The following LINC00305 variants were observed in gnomAD, a reference collection of about 807,000 sequenced individuals.
LINC00305 encodes the protein long independently transcribed non-coding RNA 305.
intron 1 of LINC00305, among the ~76,000 whole-genome samples, chr18:64,127,597 A>T (rs1263054786): frequency 6.6e-6 from 1 of 152,058 alleles, no homozygotes; most frequent in Non-Finnish European, 1.5e-5. Flanking sequence ...CTGTCCAGAG[A>T]TGTGTGTGAA....
intron 1 of LINC00305, among the ~76,000 whole-genome samples, chr18:64,148,074 A>T (rs2051506657): frequency 6.6e-6 from 1 of 152,020 alleles, no homozygotes; most frequent in African/African-American, 2.4e-5. Flanking sequence ...AGGTCTTTCA[A>T]GGGACAAGGG....
intron 1 of LINC00305, among the ~76,000 whole-genome samples, chr18:64,132,680 C>T (rs1184193108): frequency 1.3e-5 from 2 of 152,174 alleles, no homozygotes; most frequent in East Asian, 1.9e-4. Flanking sequence ...AGTTTAGCCA[C>T]AGCTCCATGA....
intron 3 of LINC00305, among the ~76,000 whole-genome samples, chr18:64,089,196 T>A (rs2051215710): frequency 6.6e-6 from 1 of 152,102 alleles, no homozygotes; most frequent in Admixed American, 6.5e-5. Flanking sequence ...TGGGGGCGGT[T>A]TTCCCCATGC....
intron 1 of LINC00305, among the ~76,000 whole-genome samples, chr18:64,132,014 T>G (rs1191366195): frequency 2.6e-5 from 4 of 152,258 alleles, no homozygotes; most frequent in African/African-American, 7.2e-5. Flanking sequence ...ATTTTTCCAT[T>G]ATTGATGTAG....
chr18:64,135,730 C>T (rs1212680541), intron 1 of LINC00305, among the ~76,000 whole-genome samples: 2 of 152,108 alleles, frequency 1.3e-5, no homozygotes, highest in Non-Finnish European at 2.9e-5. Context: ...GGATTACAGG[C>T]TGCCACCACC....
chr18:64,082,133 G>A (rs970420369), intron 3 of LINC00305, among the ~76,000 whole-genome samples: 2 of 152,198 alleles, frequency 1.3e-5, no homozygotes, highest in East Asian at 1.9e-4. Context: ...ACAGCCAAAG[G>A]TCTCAAGACA....
Position 64,080,992 on chromosome 18 carries a change from C to T in LINC00305, n.541-590G>A, listed in dbSNP as rs1299714653. Among the ~76,000 whole-genome samples the T allele has an allele frequency of 2.0e-5, 3 of 152,226 alleles. No homozygotes were observed. In the East Asian group the frequency reaches 5.8e-4, roughly 29 times the overall value. ...TATTGTACAGATAAAAGAAATTGGTCTCAAGATACAAATTATCTGTGTGTG... is the reference window on the plus strand; with the variant it reads ...TATTGTACAGATAAAAGAAATTGGTTTCAAGATACAAATTATCTGTGTGTG... On this transcript the variant is annotated intron_variant and non_coding_transcript_variant, in intron 3 of 3. Transcript: ENST00000666468.
intron 1 of LINC00305, among the ~76,000 whole-genome samples, chr18:64,123,611 TTTTA>T (rs2051371694): frequency 1.3e-5 from 2 of 152,010 alleles, no homozygotes; most frequent in Non-Finnish European, 2.9e-5. Flanking sequence ...GCTTATCCTA[TTTTA>T]TTTATTTTTT....
intron 1 of LINC00305, among the ~76,000 whole-genome samples, chr18:64,138,336 T>C (rs1308566434): frequency 6.6e-6 from 1 of 152,218 alleles, no homozygotes; most frequent in African/African-American, 2.4e-5. Context: ...TTATTTGAAT[T>C]TGATTCACCA....
rs560597763 is a variant in LINC00305 at position 64,084,416 on chromosome 18, C to G, written n.541-4014G>C. ...GTTTACCTAGGTAACAAATGTTACC[C>G]TGGTAACAATACCGCAAATGTTACC... On this transcript the variant is annotated intron_variant and non_coding_transcript_variant, in intron 3 of 3. Transcript: ENST00000666468. Among the ~76,000 whole-genome samples the G allele has an allele frequency of 2.0e-5, 3 of 152,116 alleles. No individual in the cohort carries two copies. The South Asian group carries it at 6.2e-4, about 32-fold the overall frequency.
chr18:64,104,346 T>G (rs929288253), intron 1 of LINC00305: 4 of 152,194 alleles, frequency 2.6e-5, no homozygotes, highest in African/African-American at 9.7e-5. Flanking sequence ...TATAAAGAAA[T>G]GTAGACATAT....
intron 1 of LINC00305, among the ~76,000 whole-genome samples, chr18:64,125,017 TC>T (rs1316426971): frequency 1.3e-5 from 2 of 152,088 alleles, no homozygotes; most frequent in East Asian, 3.9e-4. Flanking sequence ...ATCCATCATT[TC>T]CATTAATTAC....
intron 3 of LINC00305, among the ~76,000 whole-genome samples, chr18:64,095,156 A>G (rs1317505563): frequency 6.6e-6 from 1 of 152,096 alleles, no homozygotes; most frequent in Non-Finnish European, 1.5e-5. Flanking sequence ...TTTGAGCTTA[A>G]AATTTGAGAG....
chr18:64,141,366 T>G (rs1483277662), intron 1 of LINC00305, among the ~76,000 whole-genome samples: 1 of 152,180 alleles, frequency 6.6e-6, no homozygotes, highest in Non-Finnish European at 1.5e-5. Context: ...AGTAAGGGTG[T>G]ATGTACATAA....
chr18:64,088,706 G>A (rs2051213588), intron 3 of LINC00305, among the ~76,000 whole-genome samples: 1 of 152,184 alleles, frequency 6.6e-6, no homozygotes, highest in African/African-American at 2.4e-5. Context: ...TCAGTGTCAT[G>A]CCCTCCTAAG....
intron 1 of LINC00305, among the ~76,000 whole-genome samples, chr18:64,106,970 C>T (rs1035445648): frequency 6.6e-6 from 1 of 150,688 alleles, no homozygotes; most frequent in Non-Finnish European, 1.5e-5. Flanking sequence ...TTGCTGTTTA[C>T]AGATATGACA....
intron 1 of LINC00305, chr18:64,148,740 A>T (rs915716025): frequency 5.9e-5 from 9 of 151,924 alleles, no homozygotes; most frequent in African/African-American, 9.7e-5. Context: ...TTTTTTTCAA[A>T]GTTATAAGTA....
At chr18:64,087,456 T>C (rs2051207539) in intron 3 of LINC00305, among the ~76,000 whole-genome samples, 1 of 152,212 alleles carries the variant, frequency 6.6e-6, no homozygotes, top group African/African-American at 2.4e-5. Context: ...TGCATTTTTA[T>C]TCCATTTGAT....
intron 3 of LINC00305, among the ~76,000 whole-genome samples, chr18:64,090,418 A>G (rs2051220498): frequency 6.6e-6 from 1 of 152,220 alleles, no homozygotes; most frequent in African/African-American, 2.4e-5. Flanking sequence ...ACACACCTAC[A>G]ATATCAGTCC....
Sources: allele counts gnomAD v4.1 joint callset (sites outside exome capture counted in the v4.1 genomes callset), GRCh38; gene constraint gnomAD v4.1.1; transcripts MANE v1.5; gene names NCBI Gene and HGNC (gene_info 2026-07-23, HGNC 2026-07-21).